The following PEX5L variants were observed in gnomAD, a reference collection of about 807,000 sequenced individuals.
PEX5L encodes the protein peroxisomal biogenesis factor 5 like.
In PEX5L, 30 loss-of-function variants were observed where a neutral mutation model predicts 84.0. The ratio of observed to expected loss-of-function variants is 0.36; its 90% CI spans 0.27 to 0.48. The LOEUF (loss-of-function observed/expected upper bound fraction) is 0.48, where lower values mean the gene tolerates loss of function less well. Ranked by LOEUF, PEX5L falls within the 20% of genes least tolerant of loss-of-function variation. The pLI is 0.99. For missense variants in PEX5L, 533 were observed against 754.6 expected (o/e 0.71, Z 3.44); for synonymous variants, 270 against 283.1 (o/e 0.95, Z 0.46).
At chr3:179,841,141 G>A (rs1028128470) in intron 8 of PEX5L, among the ~76,000 whole-genome samples, 2 of 152,094 alleles carry the variant, frequency 1.3e-5, no homozygotes, top group Admixed American at 6.5e-5. Flanking sequence ...TTGGCACAGA[G>A]CCCACATTCC....
Position 180,036,683 on chromosome 3 carries a change from G to C in PEX5L, c.-84C>G. 6.7e-7 allele frequency: 1 copy of C among 1,496,878 alleles called. No individual in the cohort carries two copies. Among genetic ancestry groups the C allele is most frequent in the African/African-American group, 1.4e-5 (1 of 72,716 alleles). 92.7% of individuals were successfully genotyped at this position (1,496,878 alleles called of 1,614,324 possible). ...CTTGCCCACCAAAAGAGGGGAAAAG[G>C]TGGGTGCACAGCGGGTTCTCAGAGG... On this transcript the variant is annotated 5_prime_UTR_variant, in exon 1 of 15. Transcript: ENST00000467460.
intron 2 of PEX5L, among the ~76,000 whole-genome samples, chr3:179,946,482 T>C (rs933550964): frequency 1.3e-5 from 2 of 152,120 alleles, no homozygotes; most frequent in Non-Finnish European, 2.9e-5. Flanking sequence ...AGAAAAAACA[T>C]ATGCGATAGA....
intron 2 of PEX5L, among the ~76,000 whole-genome samples, chr3:179,945,753 G>A (rs979801637): frequency 1.3e-5 from 2 of 152,168 alleles, no homozygotes; most frequent in African/African-American, 4.8e-5. Flanking sequence ...TCTGCTTCAT[G>A]GCAGCCAGTT....
intron 2 of PEX5L, among the ~76,000 whole-genome samples, chr3:179,912,077 T>C (rs1765371399): frequency 1.3e-5 from 2 of 152,162 alleles, no homozygotes; most frequent in Admixed American, 1.3e-4. Flanking sequence ...CATAAAGGTA[T>C]TGGATCATTT....
intron 1 of PEX5L, among the ~76,000 whole-genome samples, chr3:180,032,056 T>C (rs1252452232): frequency 6.6e-6 from 1 of 152,186 alleles, no homozygotes; most frequent in Non-Finnish European, 1.5e-5. Context: ...TTCAGATTAA[T>C]CAAGTATTCT....
chr3:179,995,005 T>G (rs1787731611), intron 1 of PEX5L, among the ~76,000 whole-genome samples: 1 of 151,180 alleles, frequency 6.6e-6, no homozygotes, highest in South Asian at 2.1e-4. Flanking sequence ...CATCTATATA[T>G]ATGTAGTTAG....
At chr3:179,906,419 C>A (rs183037173) in intron 2 of PEX5L, among the ~76,000 whole-genome samples, 208 of 152,288 alleles carry the variant, frequency 1.4e-3, no homozygotes, top group Non-Finnish European at 2.3e-3. Context: ...CTCTATTATA[C>A]ACCTGCAAGC....
intron 1 of PEX5L, among the ~76,000 whole-genome samples, chr3:180,032,162 C>G (rs1421311622): frequency 6.6e-6 from 1 of 152,210 alleles, no homozygotes; most frequent in East Asian, 1.9e-4. Flanking sequence ...TACAGGAAGA[C>G]ACTTCAGAAT....
chr3:179,997,619 C>T (rs1390780061), intron 1 of PEX5L, among the ~76,000 whole-genome samples: 2 of 152,224 alleles, frequency 1.3e-5, no homozygotes, highest in Non-Finnish European at 2.9e-5. Context: ...GTAATTCCCA[C>T]CACATCCCCA....
intron 2 of PEX5L, among the ~76,000 whole-genome samples, chr3:179,919,625 C>G (rs1768551515): frequency 6.6e-6 from 1 of 152,184 alleles, no homozygotes; most frequent in Admixed American, 6.5e-5. Context: ...TGGTCATGAT[C>G]TGGACATACA....
In PEX5L at chr3:180,025,114, A is replaced by G. The variant is rs185910370; in HGVS notation, c.21+11465T>C. ...TTAATTACAGTGGCAATCTAATTAT[A>G]AGGTTTATAAGGTTTCCCTGTAATT... On this transcript the variant is annotated intron_variant, in intron 1 of 14. Transcript: ENST00000467460. Among the ~76,000 whole-genome samples the G allele has an allele frequency of 1.1e-3, 172 of 152,310 alleles. 1 individual carries two copies. The highest frequency in any genetic ancestry group is 2.6e-4 in the Non-Finnish European group (18 of 68,028).
chr3:179,851,425 C>T (rs1226892862), intron 8 of PEX5L, among the ~76,000 whole-genome samples: 1 of 152,152 alleles, frequency 6.6e-6, no homozygotes, highest in African/African-American at 2.4e-5. Context: ...TTCCCAAAGG[C>T]CCCATCTCTT....
At chr3:179,953,393 A>T (rs1779636338) in intron 2 of PEX5L, among the ~76,000 whole-genome samples, 1 of 152,224 alleles carries the variant, frequency 6.6e-6, no homozygotes, top group Non-Finnish European at 1.5e-5. Context: ...AAGGAACTTA[A>T]ACAAATTTAC....
chr3:179,953,161 C>T (rs890588258), intron 2 of PEX5L, among the ~76,000 whole-genome samples: 1 of 151,988 alleles, frequency 6.6e-6, no homozygotes, highest in Admixed American at 6.6e-5. Context: ...AGAAGAAAAC[C>T]AAGGCAATAC....
At chr3:179,949,307 C>G (rs1039842514) in intron 2 of PEX5L, among the ~76,000 whole-genome samples, 2 of 152,080 alleles carry the variant, frequency 1.3e-5, no homozygotes, top group African/African-American at 4.8e-5. Context: ...TCCTTAGAGC[C>G]CTTTTTGTTA....
chr3:180,035,514 T>C (rs1309048839), intron 1 of PEX5L, among the ~76,000 whole-genome samples: 1 of 152,230 alleles, frequency 6.6e-6, no homozygotes, highest in African/African-American at 2.4e-5. Flanking sequence ...TGATGAAATA[T>C]TGTGTTTTAT....
At chr3:179,894,274 C>G (rs1758507537) in intron 3 of PEX5L, among the ~76,000 whole-genome samples, 1 of 152,084 alleles carries the variant, frequency 6.6e-6, no homozygotes, top group Non-Finnish European at 1.5e-5. Flanking sequence ...ACAACTAAAT[C>G]ATTACCATGC....
intron 2 of PEX5L, among the ~76,000 whole-genome samples, chr3:179,915,349 T>C (rs1766657068): frequency 6.6e-6 from 1 of 152,176 alleles, no homozygotes; most frequent in African/African-American, 2.4e-5. Flanking sequence ...CTTGTCTGGA[T>C]CTGAAGATGT....
chr3:179,868,493 A>C (rs1291720686), intron 7 of PEX5L, among the ~76,000 whole-genome samples: 1 of 152,146 alleles, frequency 6.6e-6, no homozygotes, highest in East Asian at 1.9e-4. Flanking sequence ...GGATTGAAGG[A>C]AATCAAAATG....
Sources: allele counts gnomAD v4.1 joint callset (sites outside exome capture counted in the v4.1 genomes callset), GRCh38; gene constraint gnomAD v4.1.1; transcripts MANE v1.5; gene names NCBI Gene and HGNC (gene_info 2026-07-23, HGNC 2026-07-21).